The following SPTB variants were observed in gnomAD, a reference collection of about 807,000 sequenced individuals.
SPTB encodes the protein spectrin beta, erythrocytic.
In SPTB, 45 loss-of-function variants were observed where a neutral mutation model predicts 256.2. The ratio of observed to expected loss-of-function variants is 0.18; its 90% confidence interval spans 0.14 to 0.23. The LOEUF (loss-of-function observed/expected upper bound fraction) is 0.23. Ranked by LOEUF, SPTB falls within the 10% of genes least tolerant of loss-of-function variation. The pLI is 1.00. For missense variants in SPTB, 2,715 were observed against 3,040.4 expected (o/e 0.89, Z 2.52); for synonymous variants, 1,231 against 1,243.1 (o/e 0.99, Z 0.21).
chr14:64,802,910 C>T lies in SPTB; in HGVS notation c.475-593G>A, dbSNP rs767034808. Among the ~76,000 whole-genome samples the T allele has an allele frequency of 2.0e-5, 3 of 152,202 alleles. No individual in the cohort carries two copies. The highest frequency in any genetic ancestry group is 4.4e-5 in the Non-Finnish European group (3 of 68,022). ...AATGCCCCTTGAGGCTGTGGAACAA[C>T]ATGAATGCTGATGAGTACTATACTT... On this transcript the variant is annotated intron_variant, in intron 4 of 35. Transcript: ENST00000644917. The surrounding 1 kb of genome is among the most constrained non-coding windows in gnomAD (Gnocchi z 5.1).
rs1269131942 is a variant in SPTB, at chr14:64,806,514, T to G, written c.149-1424A>C. Among the ~76,000 whole-genome samples the G allele has an allele frequency of 6.6e-6, 1 of 152,242 alleles. No homozygotes were observed. Among genetic ancestry groups the G allele is most frequent in the African/African-American group, 2.4e-5 (1 of 41,454 alleles). On this transcript the variant is annotated intron_variant, in intron 2 of 35. Coordinates refer to ENST00000644917, the MANE Select transcript of SPTB (RefSeq NM_001355436.2). This position sits in a 1 kb window ranked among gnomAD's most constrained non-coding sequence, Gnocchi z 4.1. ...TGGCTTTTTAAATTATTAAATATCT[T>G]GATTCAACAATAACAAAAAGAGGAG...
chr14:64,822,906 C>A (rs1179325587), intron 2 of SPTB, 41 bp downstream of exon 2: 2 of 1,612,064 alleles, frequency 1.2e-6, no homozygotes, highest in Admixed American at 3.3e-5. Context: ...AACCTTGTGA[C>A]TGTGAGAATG....
chr14:64,803,494 GC>G (rs2082926583), intron 4 of SPTB, 112 bp downstream of exon 4: 1 of 1,322,224 alleles, frequency 7.6e-7, no homozygotes. Context: ...CAGATTTACA[GC>G]CTTCCCAGAA....
intron 24 of SPTB, among the ~76,000 whole-genome samples, chr14:64,774,022 T>C (rs1022151924): frequency 6.6e-6 from 1 of 152,172 alleles, no homozygotes; most frequent in African/African-American, 2.4e-5. Context: ...TACATCATGG[T>C]TCTGTCTGGA....
rs1594839478 is a variant in SPTB, at chr14:64,847,630, T to C, written c.-51-24485A>G. Among the ~76,000 whole-genome samples the C allele has an allele frequency of 6.6e-6, 1 of 152,102 alleles. No homozygotes were observed. The highest frequency in any genetic ancestry group is 1.9e-4 in the East Asian group (1 of 5,190). On this transcript the variant is annotated intron_variant, in intron 1 of 35. Coordinates refer to ENST00000644917, the MANE Select transcript of SPTB (RefSeq NM_001355436.2). The surrounding 1 kb of genome is among the most constrained non-coding windows in gnomAD (Gnocchi z 5.9). ...ACAGTGAGCAGGACTCCAGAAAGTC[T>C]GAGATGAGAGCACTGACTACCATGA...
chr14:64,753,689 C>A lies in SPTB; in HGVS notation c.6450G>T (p.Glu2150Asp), dbSNP rs548137633. ...KSTGDERPTTEPLFKVLDTPL... is the reference protein window; with the variant it reads ...KSTGDERPTTDPLFKVLDTPL... ...GCGTATCTAGGACCTTAAAGAGGGGCTCCGTGGTGGGCCTCTCATCCCCAG... is the reference window on the plus strand; with the variant it reads ...GCGTATCTAGGACCTTAAAGAGGGGATCCGTGGTGGGCCTCTCATCCCCAG... The change falls in exon 33 of 36, where the codon GAG (glutamate) becomes GAT (aspartate). Residue 2150 changes from glutamate (E) to aspartate (D), a missense_variant. Physicochemically the swap from Glu to Asp is conservative, Grantham distance 45 (BLOSUM62 2). Transcript: ENST00000644917. The A allele has an allele frequency of 4.5e-5, 73 of 1,613,752 alleles. No homozygotes were observed. The highest frequency in any genetic ancestry group is 4.0e-4 in the East Asian group (18 of 44,874).
chr14:64,749,103 AGCGCGG>A lies in SPTB; in HGVS notation c.*197_*202del, dbSNP rs897321656. 1.9e-6 allele frequency: 1 copy of A among 531,654 alleles called. No individual in the cohort carries two copies. Among genetic ancestry groups the A allele is most frequent in the Non-Finnish European group, 3.2e-6 (1 of 311,898 alleles). 32.9% of individuals were successfully genotyped at this position (531,654 alleles called of 1,614,324 possible). ...GAGCCCCTGTCCCTGGAGCGGAGCC[AGCGCGG>A]GCGAGGGCATGGAGGGGGCGTCGGC... is the stretch of plus-strand genomic sequence containing the variant. On this transcript the variant is annotated 3_prime_UTR_variant, in exon 36 of 36. Coordinates refer to ENST00000644917, the MANE Select transcript of SPTB (RefSeq NM_001355436.2). The surrounding 1 kb of genome is among the most constrained non-coding windows in gnomAD (Gnocchi z 4.7).
rs182041608 is a variant in SPTB at position 64,802,501 on chromosome 14, A to G, written c.475-184T>C. Among the ~76,000 whole-genome samples, 84 of 151,746 alleles carry G rather than the reference A, an allele frequency of 5.5e-4. No individual in the cohort carries two copies. The highest frequency in any genetic ancestry group is 8.7e-4 in the Non-Finnish European group (59 of 67,944). ...CATGTGCCCTGCTCCCTGCATTTAC[A>G]TTTCCTTCTCTCTCCTAGATGCTCC... is the stretch of plus-strand genomic sequence containing the variant. On this transcript the variant is annotated intron_variant, in intron 4 of 35. Transcript: ENST00000644917. This position sits in a 1 kb window ranked among gnomAD's most constrained non-coding sequence, Gnocchi z 5.1.
chr14:64,793,843 A>G lies in SPTB; in HGVS notation c.1820T>C (p.Val607Ala), dbSNP rs1301348044. ...GKGYQPCDPQ[V>A]IQDRISHLEQ... ...CAAGTGGCTGATGCGGTCCTGGATGACCTGGGGGTCACAAGGCTGGTACCC... is the reference window on the plus strand; with the variant it reads ...CAAGTGGCTGATGCGGTCCTGGATGGCCTGGGGGTCACAAGGCTGGTACCC... The change falls in exon 14 of 36, where the codon GTC becomes GCC. Residue 607 changes from valine (V) to alanine (A), a missense_variant. Transcript: ENST00000644917. The surrounding 1 kb of genome is among the most constrained non-coding windows in gnomAD (Gnocchi z 7.0). 2.5e-6 allele frequency: 4 copies of G among 1,607,054 alleles called. No homozygotes were observed. Among genetic ancestry groups the G allele is most frequent in the Non-Finnish European group, 3.4e-6 (4 of 1,179,238 alleles).
Position 64,873,019 on chromosome 14 carries a change from C to T in SPTB, c.-52+6773G>A, listed in dbSNP as rs1334887045. ...TTATTAGGAGTGTGAGAACAGACTACCACTCAACCTGAATCTCTTCTCCCA... is the reference window on the plus strand; with the variant it reads ...TTATTAGGAGTGTGAGAACAGACTATCACTCAACCTGAATCTCTTCTCCCA... On this transcript the variant is annotated intron_variant, in intron 1 of 35. Transcript: ENST00000644917. The surrounding 1 kb of genome is among the most constrained non-coding windows in gnomAD (Gnocchi z 4.3). Among the ~76,000 whole-genome samples, 5 of 152,100 alleles carry T rather than the reference C, an allele frequency of 3.3e-5. No individual in the cohort carries two copies. Among genetic ancestry groups the T allele is most frequent in the Non-Finnish European group, 7.4e-5 (5 of 68,014 alleles).
intron 1 of SPTB, among the ~76,000 whole-genome samples, chr14:64,869,621 AT>A (rs11302191): frequency 0.018 from 2,495 of 139,420 alleles, 68 homozygotes; most frequent in African/African-American, 0.062. Flanking sequence ...GATTTTTTAA[AT>A]TTTTTTTTTT....
At chr14:64,768,350 AT>A (rs1286645400) in intron 29 of SPTB, 4 of 203,598 alleles carry the variant, frequency 2.0e-5, no homozygotes, top group African/African-American at 7.0e-5. Context: ...CAATAGTTAT[AT>A]TTTTTAAGCT....
chr14:64,771,263 T>C, intron 26 of SPTB, 134 bp from the exon 27 acceptor site: 2 of 1,367,928 alleles, frequency 1.5e-6, no homozygotes, highest in Non-Finnish European at 2.1e-6. Flanking sequence ...ATCTTCAGCC[T>C]CCACCCAGTG....
In SPTB at chr14:64,802,514, T is replaced by G. The variant is rs1228517701; in HGVS notation, c.475-197A>C. Among the ~76,000 whole-genome samples the G allele has an allele frequency of 6.6e-6, 1 of 152,118 alleles. No homozygotes were observed. The highest frequency in any genetic ancestry group is 1.5e-5 in the Non-Finnish European group (1 of 68,038). On this transcript the variant is annotated intron_variant, in intron 4 of 35. Coordinates refer to ENST00000644917, the MANE Select transcript of SPTB (RefSeq NM_001355436.2). The surrounding 1 kb of genome is among the most constrained non-coding windows in gnomAD (Gnocchi z 5.1). The stretch of plus-strand genomic sequence containing the variant: ...CCCTGCATTTACATTTCCTTCTCTC[T>G]CCTAGATGCTCCCTGAGCCCAGGGA...
In SPTB at chr14:64,753,686, G is replaced by A. The variant is rs1460225463; in HGVS notation, c.6453C>T (p.Pro2151=). 1 of 1,613,690 alleles carries A rather than the reference G, an allele frequency of 6.2e-7. No individual in the cohort carries two copies. Among genetic ancestry groups the A allele is most frequent in the East Asian group, 2.2e-5 (1 of 44,870 alleles). The change falls in exon 33 of 36, where the codon CCC becomes CCT. Residue 2151 remains proline (P), a synonymous_variant. Transcript: ENST00000644917. ...STGDERPTTE[P]LFKVLDTPLS... Reference sequence around the variant, plus strand: ...GAGGCGTATCTAGGACCTTAAAGAGGGGCTCCGTGGTGGGCCTCTCATCCC... The same window carrying A: ...GAGGCGTATCTAGGACCTTAAAGAGAGGCTCCGTGGTGGGCCTCTCATCCC...
rs2083708196 is a variant in SPTB, at chr14:64,847,273, A to C, written c.-51-24128T>G. 6.6e-6 allele frequency among the ~76,000 whole-genome samples: 1 copy of C among 152,200 alleles called. No homozygotes were observed. The highest frequency in any genetic ancestry group is 6.5e-5 in the Admixed American group (1 of 15,286). ...TGGTCTTCTTTCCTAAAACACATCA[A>C]AGGCCAAAATCCTGGCCATGTGAGA... On this transcript the variant is annotated intron_variant, in intron 1 of 35. Transcript: ENST00000644917. The surrounding 1 kb of genome is among the most constrained non-coding windows in gnomAD (Gnocchi z 5.9).
In SPTB at chr14:64,775,096, C is replaced by T. The variant is rs1208754243; in HGVS notation, c.4842+29G>A. On this transcript the variant is annotated intron_variant, in intron 23 of 35. Transcript: ENST00000644917. This position sits in a 1 kb window ranked among gnomAD's most constrained non-coding sequence, Gnocchi z 5.0. The stretch of plus-strand genomic sequence containing the variant: ...CAACTCTTCCTCTCTGCCTGGGCAC[C>T]CTGGCTGGTATCCCCTGCCCGAACA... The T allele has an allele frequency of 1.9e-6, 3 of 1,613,626 alleles. No individual in the cohort carries two copies. The highest frequency in any genetic ancestry group is 1.6e-4 in the Middle Eastern group (1 of 6,076).
rs1265665340 is a variant in SPTB at position 64,778,938 on chromosome 14, C to T, written c.4563+219G>A. ...AATGGCCCTGAATCCCCAACTACCTCCCCTCCTCTGTGATCCTCCCAGAAT... is the reference window on the plus strand; with the variant it reads ...AATGGCCCTGAATCCCCAACTACCTTCCCTCCTCTGTGATCCTCCCAGAAT... On this transcript the variant is annotated intron_variant, in intron 22 of 35. Coordinates refer to ENST00000644917, the MANE Select transcript of SPTB (RefSeq NM_001355436.2). The surrounding 1 kb of genome is among the most constrained non-coding windows in gnomAD (Gnocchi z 5.2). Among the ~76,000 whole-genome samples the T allele has an allele frequency of 6.6e-6, 1 of 152,144 alleles. No homozygotes were observed. The highest frequency in any genetic ancestry group is 2.4e-5 in the African/African-American group (1 of 41,426).
intron 1 of SPTB, among the ~76,000 whole-genome samples, chr14:64,860,240 C>T (rs1364024074): frequency 6.6e-6 from 1 of 152,186 alleles, no homozygotes; most frequent in African/African-American, 2.4e-5. Context: ...AAACAAGATC[C>T]TCTTATCACC....
Sources: allele counts gnomAD v4.1 joint callset (sites outside exome capture counted in the v4.1 genomes callset), GRCh38; gene constraint gnomAD v4.1.1; non-coding constraint Gnocchi (gnomAD v3.1); transcripts MANE v1.5; gene names NCBI Gene and HGNC (gene_info 2026-07-23, HGNC 2026-07-21).